The following XIRP2 variants were observed in gnomAD, a reference collection of about 807,000 sequenced individuals.
XIRP2 encodes xin actin-binding repeat-containing protein 2.
A neutral mutation model predicts 277.0 loss-of-function variants in XIRP2; 236 were observed. The ratio of observed to expected loss-of-function variants is 0.85; its 90% confidence interval spans 0.77 to 0.95. XIRP2 has a LOEUF of 0.95. Ranked by LOEUF, XIRP2 falls within the 40% of genes least tolerant of loss-of-function variation. The pLI is 0.00. For missense variants in XIRP2, 4,640 were observed against 4,157.5 expected (o/e 1.12, Z -3.19); for synonymous variants, 1,490 against 1,416.5 (o/e 1.05, Z -1.17).
chr2:167,175,244 G>T (rs2082097), intron 3 of XIRP2, among the ~76,000 whole-genome samples: 14,998 of 152,012 alleles, frequency 0.099, 784 homozygotes, highest in South Asian at 0.15. Context: ...TATGAATCTG[G>T]GTGCTCCTGT....
At chr2:167,164,445 CA>C (rs36066566) in intron 3 of XIRP2, among the ~76,000 whole-genome samples, 1,435 of 46,588 alleles carry the variant, frequency 0.031, 4 homozygotes, top group East Asian at 0.06. Context: ...GACTCCGTCT[CA>C]AAAAAAAAAA....
At chr2:167,063,956 G>C (rs191627200) in intron 2 of XIRP2, among the ~76,000 whole-genome samples, 19 of 151,330 alleles carry the variant, frequency 1.3e-4, no homozygotes, top group Non-Finnish European at 4.4e-5. Flanking sequence ...TCTACATTTA[G>C]TGTACTATCA....
At position 167,248,486 on chromosome 2, in the gene XIRP2, C is replaced by T. The variant is rs752276378; in HGVS notation, c.7094C>T (p.Pro2365Leu). Reference protein sequence around the residue: ...SERESSSMFLPPPPPPTPSQK... With the variant: ...SERESSSMFLLPPPPPTPSQK... ...AGAGAAAGTTCATCGATGTTTCTGC[C>T]GCCTCCTCCTCCTCCAACTCCATCT... is the stretch of plus-strand genomic sequence containing the variant. The change falls in exon 9 of 11, where the codon CCG becomes CTG. Residue 2365 changes from proline (P) to leucine (L), a missense_variant. Pro to Leu is a moderately conservative substitution (Grantham distance 98, BLOSUM62 -3). Coordinates refer to ENST00000409195, the MANE Select transcript of XIRP2 (RefSeq NM_152381.6). The T allele has an allele frequency of 7.4e-6, 12 of 1,613,608 alleles. No homozygotes were observed. The highest frequency in any genetic ancestry group is 1.7e-4 in the Middle Eastern group (1 of 6,058).
chr2:167,160,486 T>C (rs1692331514), intron 3 of XIRP2, among the ~76,000 whole-genome samples: 1 of 152,122 alleles, frequency 6.6e-6, no homozygotes, highest in South Asian at 2.1e-4. Flanking sequence ...TCCCATGTGG[T>C]GGGGGAAGCC....
At chr2:167,062,724 CTT>C (rs2105241589) in intron 2 of XIRP2, among the ~76,000 whole-genome samples, 1 of 152,012 alleles carries the variant, frequency 6.6e-6, no homozygotes, top group African/African-American at 2.4e-5. Flanking sequence ...ATTTTTTTCT[CTT>C]GGGTGACTTT....
rs574611850 is a variant in XIRP2, at chr2:167,197,567, T to C, written c.563-13168T>C. Among the ~76,000 whole-genome samples, 21 of 152,210 alleles carry C rather than the reference T, an allele frequency of 1.4e-4. No individual in the cohort carries two copies. The East Asian group carries it at 4.1e-3, about 29-fold the overall frequency. On this transcript the variant is annotated intron_variant, in intron 3 of 10. Transcript: ENST00000409195. ...CAGTTCTGCAAAAATATTAGGGAAG[T>C]CTCTGCCACTCACTATTAGGGAACA... is the stretch of plus-strand genomic sequence containing the variant.
intron 3 of XIRP2, among the ~76,000 whole-genome samples, chr2:167,199,702 C>T (rs555390407): frequency 6.7e-4 from 102 of 152,278 alleles, no homozygotes; most frequent in African/African-American, 2.2e-3. Context: ...GCCTGCCTAC[C>T]GTCTCTCCAT....
chr2:167,012,781 A>G lies in XIRP2; in HGVS notation c.408+108891A>G, dbSNP rs369173753. On this transcript the variant is annotated intron_variant, in intron 2 of 10. Transcript: ENST00000409195. ...TTCAGACTAAGAGATGATACACAAC[A>G]TTCTTCCTATGTTTTGAAATCTAAC... is the stretch of plus-strand genomic sequence containing the variant. Among the ~76,000 whole-genome samples the G allele has an allele frequency of 2.0e-5, 3 of 151,536 alleles. No homozygotes were observed. In the South Asian group the frequency reaches 6.2e-4, roughly 31 times the overall value.
At chr2:166,943,023 AAT>A (rs1184811813) in intron 2 of XIRP2, among the ~76,000 whole-genome samples, 1 of 152,162 alleles carries the variant, frequency 6.6e-6, no homozygotes, top group Non-Finnish European at 1.5e-5. Flanking sequence ...ATTAAATTTA[AAT>A]TTAATACCAT....
At chr2:167,122,589 T>C (rs918883631) in intron 2 of XIRP2, among the ~76,000 whole-genome samples, 13 of 152,264 alleles carry the variant, frequency 8.5e-5, no homozygotes, top group African/African-American at 2.6e-4. Context: ...TGTCTCTAGA[T>C]AGTATCAGCA....
At chr2:167,160,874 AG>A (rs1263535013) in intron 3 of XIRP2, among the ~76,000 whole-genome samples, 1 of 152,226 alleles carries the variant, frequency 6.6e-6, no homozygotes, top group African/African-American at 2.4e-5. Flanking sequence ...AGACAAGGCA[AG>A]TTCCTTCCGC....
intron 2 of XIRP2, among the ~76,000 whole-genome samples, chr2:166,949,753 G>A (rs563074125): frequency 5.3e-5 from 8 of 152,124 alleles, no homozygotes; most frequent in South Asian, 4.1e-4. Flanking sequence ...GTCAAGGATT[G>A]TATAAGATTG....
chr2:167,039,566 TAC>T (rs1041878243), intron 2 of XIRP2, among the ~76,000 whole-genome samples: 1 of 152,078 alleles, frequency 6.6e-6, no homozygotes, highest in Non-Finnish European at 1.5e-5. Context: ...TATGAATGAG[TAC>T]ACACACACAA....
chr2:167,238,867 A>C (rs1319625152), intron 5 of XIRP2, among the ~76,000 whole-genome samples: 1 of 152,110 alleles, frequency 6.6e-6, no homozygotes, highest in African/African-American at 2.4e-5. Flanking sequence ...TAACTGCTTC[A>C]TCATATCAAT....
chr2:167,164,131 A>G (rs186869958), intron 3 of XIRP2, among the ~76,000 whole-genome samples: 2 of 152,296 alleles, frequency 1.3e-5, no homozygotes, highest in African/African-American at 4.8e-5. Flanking sequence ...ATTGTTTTCC[A>G]TATTCCTTTA....
At chr2:167,122,418 A>G (rs1403113542) in intron 2 of XIRP2, among the ~76,000 whole-genome samples, 1 of 152,220 alleles carries the variant, frequency 6.6e-6, no homozygotes, top group Non-Finnish European at 1.5e-5. Flanking sequence ...TTCTAGGAGA[A>G]GCAAGGATGA....
intron 2 of XIRP2, among the ~76,000 whole-genome samples, chr2:167,062,096 T>A (rs370075979): frequency 6.6e-6 from 1 of 152,198 alleles, no homozygotes; most frequent in African/African-American, 2.4e-5. Context: ...TTTATTTTTA[T>A]CTTATAGTCT....
At chr2:167,044,593 G>C (rs1688743054) in intron 2 of XIRP2, among the ~76,000 whole-genome samples, 1 of 152,086 alleles carries the variant, frequency 6.6e-6, no homozygotes, top group Non-Finnish European at 1.5e-5. Context: ...CAAAATCAAT[G>C]TACAAAAATT....
chr2:166,912,635 G>C (rs570680938), intron 2 of XIRP2, among the ~76,000 whole-genome samples: 1 of 152,196 alleles, frequency 6.6e-6, no homozygotes, highest in African/African-American at 2.4e-5. Context: ...ATCCAGCTTT[G>C]TTCTGTTGCT....
Sources: gnomAD v4.1 joint callset for allele counts (sites outside exome capture counted in the v4.1 genomes callset) on GRCh38, gnomAD v4.1.1 for gene constraint, MANE v1.5 for transcripts, NCBI Gene and HGNC (gene_info 2026-07-23, HGNC 2026-07-21) for gene names.